COL24A1: variants seen among roughly 807,000 people sequenced by gnomAD.
COL24A1 encodes the protein collagen type XXIV alpha 1 chain.
COL24A1 carries 224 observed loss-of-function variants against 253.9 expected under a neutral mutation model. The observed-to-expected ratio is 0.88, with a 90% CI of 0.79 to 0.99. COL24A1 has a LOEUF of 0.99. Ranked by LOEUF, COL24A1 falls within the 50% of genes least tolerant of loss-of-function variation. The probability of loss-of-function intolerance (pLI) is 0.00; values close to 1 mark genes in which losing one functional copy is unlikely to be tolerated. For missense variants in COL24A1, 2,131 were observed against 2,068.5 expected, an observed-to-expected ratio of 1.03 and a Z score of -0.59; for synonymous variants, 685 against 673.7, an observed-to-expected ratio of 1.02 and a Z score of -0.26.
chr1:85,813,881 G>T (rs1672821944), intron 47 of COL24A1, among the ~76,000 whole-genome samples: 1 of 152,142 alleles, frequency 6.6e-6, no homozygotes, highest in Non-Finnish European at 1.5e-5. Flanking sequence ...TGAAAAAGTG[G>T]CATGAAGATG....
intron 47 of COL24A1, among the ~76,000 whole-genome samples, chr1:85,799,249 AAAG>A (rs1671170458): frequency 6.8e-6 from 1 of 146,700 alleles, no homozygotes; most frequent in Non-Finnish European, 1.5e-5. Flanking sequence ...GAAAGAAAGA[AAAG>A]AAAAGAACAT....
chr1:86,020,638 T>C (rs1189098671), intron 18 of COL24A1, among the ~76,000 whole-genome samples: 1 of 152,220 alleles, frequency 6.6e-6, no homozygotes, highest in Non-Finnish European at 1.5e-5. Context: ...TATTATTTAT[T>C]AGTTAATAGT....
chr1:86,072,015 C>A (rs1701911497), intron 7 of COL24A1, among the ~76,000 whole-genome samples: 1 of 152,200 alleles, frequency 6.6e-6, no homozygotes, highest in Non-Finnish European at 1.5e-5. Flanking sequence ...GTGAAACCTG[C>A]AGACCAGGAG....
At chr1:85,826,039 A>C (rs1416115881) in intron 43 of COL24A1, among the ~76,000 whole-genome samples, 1 of 132,880 alleles carries the variant, frequency 7.5e-6, no homozygotes, top group Non-Finnish European at 1.6e-5. Context: ...GTTTTCTTCT[A>C]GGGTTTTTAT....
rs776517549 is a variant in COL24A1 at position 85,730,706 on chromosome 1, AC to A, written c.4999-15del. The stretch of plus-strand genomic sequence containing the variant: ...GCCATCTTGAATCTGTAAAATAAGA[AC>A]AAAATGCTTTCATACGCATTTCATT... On this transcript the variant is annotated splice_polypyrimidine_tract_variant and intron_variant, in intron 59 of 59. Coordinates refer to ENST00000370571, the MANE Select transcript of COL24A1 (RefSeq NM_152890.7). 1.3e-5 allele frequency: 21 copies of A among 1,613,372 alleles called. No homozygotes were observed. The highest frequency in any genetic ancestry group is 1.7e-5 in the Non-Finnish European group (20 of 1,179,628).
chr1:86,014,234 T>C (rs947120627), intron 19 of COL24A1, among the ~76,000 whole-genome samples: 2 of 152,202 alleles, frequency 1.3e-5, no homozygotes, highest in African/African-American at 2.4e-5. Flanking sequence ...ATTTCCATTG[T>C]GATATTTCTT....
intron 32 of COL24A1, among the ~76,000 whole-genome samples, chr1:85,882,988 C>G (rs956283866): frequency 6.6e-6 from 1 of 152,134 alleles, no homozygotes; most frequent in African/African-American, 2.4e-5. Flanking sequence ...TTGAAGACAA[C>G]ATACAATTGG....
chr1:85,970,322 A>G, intron 21 of COL24A1, 51 bp from the exon 22 acceptor site: 1 of 1,460,008 alleles, frequency 6.8e-7, no homozygotes, highest in Non-Finnish European at 9.3e-7. Flanking sequence ...TGAGTATTTA[A>G]AAATGTAAAC....
chr1:86,008,037 T>C (rs1333244418), intron 19 of COL24A1, among the ~76,000 whole-genome samples: 1 of 152,084 alleles, frequency 6.6e-6, no homozygotes, highest in Non-Finnish European at 1.5e-5. Flanking sequence ...TAGAGGATAA[T>C]AGGATCACTA....
At chr1:86,015,089 G>T (rs1696871693) in intron 19 of COL24A1, among the ~76,000 whole-genome samples, 1 of 152,100 alleles carries the variant, frequency 6.6e-6, no homozygotes, top group Non-Finnish European at 1.5e-5. Context: ...AAAATTCTTG[G>T]ACCTGCAAGT....
chr1:85,854,938 G>A (rs1052135926), intron 37 of COL24A1, among the ~76,000 whole-genome samples: 5 of 152,000 alleles, frequency 3.3e-5, no homozygotes, highest in Admixed American at 1.3e-4. Context: ...TCTTGACAGC[G>A]TGTTCCACCT....
intron 20 of COL24A1, among the ~76,000 whole-genome samples, chr1:85,977,456 G>T (rs1342456089): frequency 6.6e-6 from 1 of 151,986 alleles, no homozygotes; most frequent in East Asian, 1.9e-4. Context: ...CCAACTTAAA[G>T]AAATTTAAAA....
intron 2 of COL24A1, 102 bp from the exon 3 acceptor site, chr1:86,126,316 T>C: frequency 1.9e-6 from 2 of 1,053,680 alleles, no homozygotes; most frequent in East Asian, 2.6e-5. Flanking sequence ...GTAGCAACAG[T>C]AGTTTCTAAA....
At chr1:86,078,108 A>C (rs1220318754) in intron 7 of COL24A1, among the ~76,000 whole-genome samples, 1 of 152,194 alleles carries the variant, frequency 6.6e-6, no homozygotes, top group African/African-American at 2.4e-5. Flanking sequence ...CATTATGACC[A>C]AGTGGGATTT....
rs1571541462 is a variant in COL24A1 at position 85,999,204 on chromosome 1, GCCT to G, written c.2311-11553_2311-11551del. ...GCAATAAATGGTCCTCCACTTTATT[GCCT>G]GTTTAGAGGAGGTACTGGGAGAGAC... On this transcript the variant is annotated intron_variant, in intron 19 of 59. Coordinates refer to ENST00000370571, the MANE Select transcript of COL24A1 (RefSeq NM_152890.7). Among the ~76,000 whole-genome samples, 6 of 152,288 alleles carry G rather than the reference GCCT, an allele frequency of 3.9e-5. No individual in the cohort carries two copies. In the East Asian group the frequency reaches 1.2e-3, roughly 29 times the overall value.
intron 28 of COL24A1, among the ~76,000 whole-genome samples, chr1:85,900,663 T>C (rs1373952143): frequency 1.3e-5 from 2 of 151,832 alleles, no homozygotes; most frequent in Non-Finnish European, 2.9e-5. Context: ...AAATAAAATA[T>C]ACTACAAAAC....
At chr1:85,786,098 G>A (rs1221524967) in intron 48 of COL24A1, among the ~76,000 whole-genome samples, 1 of 152,140 alleles carries the variant, frequency 6.6e-6, no homozygotes, top group Non-Finnish European at 1.5e-5. Flanking sequence ...ACAAAAATGA[G>A]TCAAAGACAT....
intron 3 of COL24A1, among the ~76,000 whole-genome samples, chr1:86,122,260 T>C (rs932460198): frequency 5.3e-5 from 8 of 152,082 alleles, no homozygotes; most frequent in African/African-American, 1.9e-4. Context: ...CTTCTTTGGC[T>C]TTTTGATATT....
At position 86,063,383 on chromosome 1, in the gene COL24A1, T is replaced by TGTGTGTGTGTGTGTG. The variant is rs1376429091; in HGVS notation, c.1752+331_1752+332insCACACACACACACAC. On this transcript the variant is annotated intron_variant, in intron 8 of 59. Transcript: ENST00000370571. ...TCTGTGTGTGTGTGTGTGTGTGTGT[T>TGTGTGTGTGTGTGTG]TGTATGTGTATGGATATGTATATTT... Among the ~76,000 whole-genome samples, 38 of 144,458 alleles carry TGTGTGTGTGTGTGTG rather than the reference T, an allele frequency of 2.6e-4. No homozygotes were observed. In the East Asian group the frequency reaches 5.2e-3, roughly 20 times the overall value. The allele number at this position is 144,458 out of a possible 152,430, so 94.8% of individuals were successfully genotyped here. A position where few individuals can be genotyped will look rare whatever the true frequency, so the allele number is the denominator to read the frequency against.
Sources: allele counts gnomAD v4.1 joint callset (sites outside exome capture counted in the v4.1 genomes callset), GRCh38; gene constraint gnomAD v4.1.1; transcripts MANE v1.5; gene names NCBI Gene and HGNC (gene_info 2026-07-23, HGNC 2026-07-21).